The following AP3B1 variants were observed in gnomAD, a reference collection of about 807,000 sequenced individuals.
The protein encoded by AP3B1 is AP-3 complex subunit beta-1.
Under a neutral mutation model 132.5 loss-of-function variants are expected in AP3B1, and 61 were observed. That is an observed-to-expected ratio of 0.46 (90% CI 0.37 to 0.57). The LOEUF is 0.57. AP3B1 is among the 20% of genes least tolerant of loss of function. The pLI, the probability that AP3B1 is intolerant of heterozygous loss-of-function variation, is 0.00. For synonymous variants in AP3B1, 388 were observed against 438.3 expected (o/e 0.89, Z 1.43); for missense variants, 1,120 against 1,289.4 (o/e 0.87, Z 2.01).
At chr5:78,051,293 T>C (rs1486352373) in intron 22 of AP3B1, among the ~76,000 whole-genome samples, 1 of 152,166 alleles carries the variant, frequency 6.6e-6, no homozygotes, top group Non-Finnish European at 1.5e-5. Flanking sequence ...CACTAAAAAG[T>C]AACTGAAGAG....
intron 8 of AP3B1, among the ~76,000 whole-genome samples, chr5:78,179,539 A>T (rs1181876078): frequency 3.3e-5 from 5 of 152,156 alleles, no homozygotes; most frequent in Non-Finnish European, 7.4e-5. Flanking sequence ...ATCCAAAAAG[A>T]CTAAAAATAT....
chr5:78,247,282 GATAATATAGAT>G (rs1349919872), intron 2 of AP3B1, among the ~76,000 whole-genome samples: 2 of 148,182 alleles, frequency 1.3e-5, no homozygotes, highest in African/African-American at 4.9e-5. Flanking sequence ...ATAATATATA[GATAATATAGAT>G]AATAATATAG....
intron 15 of AP3B1, among the ~76,000 whole-genome samples, chr5:78,134,106 G>A (rs912954660): frequency 3.5e-5 from 5 of 141,426 alleles, no homozygotes; most frequent in Non-Finnish European, 7.5e-5. Context: ...AGCCGAGATC[G>A]CGCCACTGCA....
At chr5:78,078,592 C>T (rs1749858546) in intron 22 of AP3B1, among the ~76,000 whole-genome samples, 1 of 152,186 alleles carries the variant, frequency 6.6e-6, no homozygotes, top group African/African-American at 2.4e-5. Flanking sequence ...TCCTCTTCTT[C>T]CCTGTTGGTA....
At chr5:78,179,888 T>C (rs1744296149) in intron 8 of AP3B1, among the ~76,000 whole-genome samples, 1 of 152,072 alleles carries the variant, frequency 6.6e-6, no homozygotes, top group Non-Finnish European at 1.5e-5. Flanking sequence ...GTAAACCACC[T>C]CTATTACAGC....
intron 19 of AP3B1, among the ~76,000 whole-genome samples, chr5:78,110,964 C>T (rs1169073373): frequency 2.6e-5 from 4 of 151,862 alleles, no homozygotes; most frequent in Non-Finnish European, 5.9e-5. Context: ...CACTAGGTTG[C>T]CTAGGCTGGT....
intron 17 of AP3B1, 128 bp from the exon 18 acceptor site, chr5:78,116,362 G>A: frequency 1.3e-6 from 1 of 758,764 alleles, no homozygotes; most frequent in South Asian, 1.5e-5. Flanking sequence ...GAATGCAACT[G>A]TTAGAAGTCC....
At position 78,101,032 on chromosome 5, in the gene AP3B1, A is replaced by G. The variant is rs1222683611; in HGVS notation, c.2398-7T>C. 2 of 1,445,374 alleles carry G rather than the reference A, an allele frequency of 1.4e-6. No homozygotes were observed. The highest frequency in any genetic ancestry group is 1.4e-5 in the African/African-American group (1 of 71,364). The allele number at this position is 1,445,374 out of a possible 1,614,324, so 89.5% of individuals were successfully genotyped here. A position where few individuals can be genotyped will look rare whatever the true frequency, so the allele number is the denominator to read the frequency against. On this transcript the variant is annotated splice_region_variant and splice_polypyrimidine_tract_variant and intron_variant, in intron 20 of 26. Transcript: ENST00000255194. ...TTGTTTTCTTTTCTTTCTCCTATAAAATAACAAATATTTCATTTATCACAC... is the reference window on the plus strand; with the variant it reads ...TTGTTTTCTTTTCTTTCTCCTATAAGATAACAAATATTTCATTTATCACAC...
chr5:78,245,768 G>A (rs1311401996), intron 2 of AP3B1, among the ~76,000 whole-genome samples: 1 of 152,158 alleles, frequency 6.6e-6, no homozygotes, highest in Non-Finnish European at 1.5e-5. Context: ...AGGAGCATAG[G>A]AATTGAGGGG....
At chr5:78,111,495 A>C (rs1323249602) in intron 19 of AP3B1, among the ~76,000 whole-genome samples, 1 of 152,192 alleles carries the variant, frequency 6.6e-6, no homozygotes, top group Non-Finnish European at 1.5e-5. Flanking sequence ...GTAATAAATT[A>C]TAGCGTGTCA....
At chr5:78,107,152 C>T (rs748072818) in intron 20 of AP3B1, among the ~76,000 whole-genome samples, 5 of 151,804 alleles carry the variant, frequency 3.3e-5, no homozygotes, top group South Asian at 4.2e-4. Flanking sequence ...GTGTCAGAGG[C>T]GTGTAAAAAG....
At chr5:78,076,300 T>A (rs1280626981) in intron 22 of AP3B1, among the ~76,000 whole-genome samples, 1 of 152,224 alleles carries the variant, frequency 6.6e-6, no homozygotes, top group African/African-American at 2.4e-5. Context: ...TACCACTATA[T>A]CCATGGCTTC....
chr5:78,174,329 A>G (rs1465560656), intron 11 of AP3B1, among the ~76,000 whole-genome samples: 1 of 152,056 alleles, frequency 6.6e-6, no homozygotes, highest in African/African-American at 2.4e-5. Flanking sequence ...GTTTTATACT[A>G]CCTTTGGTCT....
intron 21 of AP3B1, among the ~76,000 whole-genome samples, chr5:78,097,716 A>C (rs1407596504): frequency 5.4e-5 from 8 of 146,844 alleles, no homozygotes; most frequent in East Asian, 4.2e-4. Context: ...CGCCTCTGCC[A>C]GGCCGCCCCT....
chr5:78,024,953 C>T (rs959049719), intron 24 of AP3B1, among the ~76,000 whole-genome samples: 1 of 151,236 alleles, frequency 6.6e-6, no homozygotes, highest in African/African-American at 2.4e-5. Context: ...CCTGCCTTGG[C>T]CTCCCAAAGT....
intron 7 of AP3B1, among the ~76,000 whole-genome samples, chr5:78,193,895 C>T (rs902021634): frequency 4.0e-5 from 6 of 151,200 alleles, no homozygotes; most frequent in Admixed American, 2.6e-4. Flanking sequence ...GCTGGGACTA[C>T]AGGCACCTGC....
intron 17 of AP3B1, among the ~76,000 whole-genome samples, chr5:78,126,504 C>CAAAAAAAAAAAAAAA (rs70997969): frequency 1.1e-4 from 7 of 62,398 alleles, no homozygotes; most frequent in African/African-American, 5.5e-4. Context: ...GACTCTGTCT[C>CAAAAAAAAAAAAAAA]AAAAAAAAAA....
chr5:78,294,686 C>A lies in AP3B1; in HGVS notation c.-107G>T. On this transcript the variant is annotated 5_prime_UTR_variant, in exon 1 of 27. Coordinates refer to ENST00000255194, the MANE Select transcript of AP3B1 (RefSeq NM_003664.5). ...ACTAGTTCTCGTACGGAGGAGCGCGCGCAGGCGCTTCCGGACTCGTCACGG... is the reference window on the plus strand; with the variant it reads ...ACTAGTTCTCGTACGGAGGAGCGCGAGCAGGCGCTTCCGGACTCGTCACGG... 6.4e-7 allele frequency: 1 copy of A among 1,567,370 alleles called. No homozygotes were observed. Among genetic ancestry groups the A allele is most frequent in the Non-Finnish European group, 8.7e-7 (1 of 1,150,500 alleles).
chr5:78,057,090 G>A (rs1438196579), intron 22 of AP3B1, among the ~76,000 whole-genome samples: 3 of 152,060 alleles, frequency 2.0e-5, no homozygotes, highest in Non-Finnish European at 4.4e-5. Flanking sequence ...GTTTTCCTTA[G>A]GAGTTTACTG....
Sources: allele counts gnomAD v4.1 joint callset (sites outside exome capture counted in the v4.1 genomes callset), GRCh38; gene constraint gnomAD v4.1.1; transcripts MANE v1.5; gene names NCBI Gene and HGNC (gene_info 2026-07-23, HGNC 2026-07-21).